The following SNX11 variants were observed in gnomAD, a reference collection of about 807,000 sequenced individuals.
The protein encoded by SNX11 is sorting nexin-11.
SNX11 carries 19 observed loss-of-function variants against 30.7 expected under a neutral mutation model. The observed-to-expected ratio is 0.62, with a 90% confidence interval of 0.43 to 0.91. The LOEUF is 0.91. Ranked by LOEUF, SNX11 falls within the 40% of genes least tolerant of loss-of-function variation. The pLI, the probability that SNX11 is intolerant of heterozygous loss-of-function variation, is 0.00. For missense variants in SNX11, 302 were observed against 326.7 expected, an observed-to-expected ratio of 0.92 and a Z score of 0.58; for synonymous variants, 112 against 119.0, an observed-to-expected ratio of 0.94 and a Z score of 0.38.
At chr17:48,119,827 G>T (rs1287526022) in intron 6 of SNX11, among the ~76,000 whole-genome samples, 1 of 152,086 alleles carries the variant, frequency 6.6e-6, no homozygotes. Flanking sequence ...ATAGTCACAG[G>T]GTTGTATAAC....
intron 4 of SNX11, among the ~76,000 whole-genome samples, chr17:48,117,276 CAG>C (rs2063555658): frequency 7.6e-6 from 1 of 130,792 alleles, no homozygotes; most frequent in African/African-American, 2.9e-5. Context: ...TTTTTTGAGA[CAG>C]AGTTTCACTC....
chr17:48,121,192 A>G (rs2063597436), intron 6 of SNX11, 43 bp from the exon 7 acceptor site: 2 of 1,604,770 alleles, frequency 1.2e-6, no homozygotes. Context: ...TATGTTACCC[A>G]AGCTGTTCAT....
chr17:48,118,635 G>T, intron 4 of SNX11, 69 bp from the exon 5 acceptor site: 14 of 1,041,704 alleles, frequency 1.3e-5, no homozygotes, highest in Non-Finnish European at 1.8e-5. Context: ...GGATTTCCTT[G>T]ATCAGAGGCC....
Position 48,121,728 on chromosome 17 carries a change from A to G in SNX11, c.*220A>G. ...TGTTTGTAAGTTAAACATAAGACAC[A>G]GGGGCTGTTGCTTTTGAACAGAACC... is the stretch of plus-strand genomic sequence containing the variant. On this transcript the variant is annotated 3_prime_UTR_variant, in exon 7 of 7. Transcript: ENST00000359238. The G allele has an allele frequency of 1.8e-6, 1 of 560,070 alleles. No homozygotes were observed. Among genetic ancestry groups the G allele is most frequent in the South Asian group, 2.3e-5 (1 of 42,658 alleles). The allele number at this position is 560,070 out of a possible 1,614,324, so 34.7% of individuals were successfully genotyped here.
Position 48,112,649 on chromosome 17 carries a change from A to C in SNX11, c.118A>C (p.Ile40Leu), listed in dbSNP as rs370795647. The C allele has an allele frequency of 2.5e-6, 4 of 1,610,672 alleles. No individual in the cohort carries two copies. Among genetic ancestry groups the C allele is most frequent in the African/African-American group, 1.3e-5 (1 of 74,834 alleles). Residue 40 changes from isoleucine to leucine, a missense_variant, in exon 3 of 7, where the codon ATA (isoleucine) becomes CTA (leucine). Coordinates refer to ENST00000359238, the MANE Select transcript of SNX11 (RefSeq NM_013323.3). ...GSWNSYVDYK[I>L]FLHTNSKAFT... Reference sequence around the variant, plus strand: ...CTGGAACTCTTATGTGGATTATAAGATATTCCTCCATGTGAGTACATCAAG... The same window carrying C: ...CTGGAACTCTTATGTGGATTATAAGCTATTCCTCCATGTGAGTACATCAAG...
At chr17:48,111,980 T>G (rs2063496820) in intron 1 of SNX11, 51 bp from the exon 2 acceptor site, 5 of 1,444,106 alleles carry the variant, frequency 3.5e-6, no homozygotes, top group Non-Finnish European at 4.9e-6. Context: ...TAAAGAATGA[T>G]AAGAACAGAG....
At chr17:48,111,001 TG>T in intron 1 of SNX11, 1 of 761,576 alleles carries the variant, frequency 1.3e-6, no homozygotes, top group Non-Finnish European at 1.6e-6. Context: ...ACTGCCACAT[TG>T]GGGAAAATCA....
chr17:48,118,931 C>T, intron 5 of SNX11, 43 bp from the exon 6 acceptor site: 3 of 1,598,906 alleles, frequency 1.9e-6, no homozygotes, highest in Non-Finnish European at 1.7e-6. Flanking sequence ...AGAGCAGTTC[C>T]TCAGGGTGAT....
intron 6 of SNX11, among the ~76,000 whole-genome samples, chr17:48,119,954 T>G (rs1310871192): frequency 6.6e-6 from 1 of 152,162 alleles, no homozygotes; most frequent in Non-Finnish European, 1.5e-5. Flanking sequence ...ACCACTAGTC[T>G]ACTTTCTCTG....
chr17:48,117,380 G>A (rs1329879766), intron 4 of SNX11, among the ~76,000 whole-genome samples: 1 of 151,158 alleles, frequency 6.6e-6, no homozygotes, highest in South Asian at 2.1e-4. Context: ...TCAGCCTCCC[G>A]AGTAGTTGGG....
chr17:48,120,507 CT>C (rs71141968), intron 6 of SNX11, among the ~76,000 whole-genome samples: 13 of 69,532 alleles, frequency 1.9e-4, no homozygotes, highest in African/African-American at 2.5e-4. Flanking sequence ...CGCACCTGGC[CT>C]TTTTTTTTTT....
chr17:48,116,945 C>T (rs1431369844), intron 4 of SNX11, among the ~76,000 whole-genome samples: 1 of 151,382 alleles, frequency 6.6e-6, no homozygotes. Flanking sequence ...GATCTCGGCT[C>T]ACTGCAACCT....
intron 4 of SNX11, chr17:48,113,699 C>T: frequency 3.1e-6 from 1 of 319,512 alleles, no homozygotes; most frequent in South Asian, 2.7e-5. Context: ...GTGCATGCCA[C>T]CACACTTGCC....
At chr17:48,116,416 T>G (rs75424702) in intron 4 of SNX11, among the ~76,000 whole-genome samples, 16,198 of 152,078 alleles carry the variant, frequency 0.11, 1,069 homozygotes, top group Middle Eastern at 0.17. Flanking sequence ...AGGTCTCACT[T>G]TGTTGCCCAG....
intron 6 of SNX11, among the ~76,000 whole-genome samples, chr17:48,120,437 AC>A (rs2063587333): frequency 7.0e-6 from 1 of 143,862 alleles, no homozygotes; most frequent in Admixed American, 7.1e-5. Flanking sequence ...CGAACTCCTG[AC>A]CTCAGGTGAT....
chr17:48,121,222 C>G lies in SNX11; in HGVS notation c.540-13C>G, dbSNP rs2063598187. 6.2e-7 allele frequency: 1 copy of G among 1,613,568 alleles called. No individual in the cohort carries two copies. The highest frequency in any genetic ancestry group is 2.2e-5 in the East Asian group (1 of 44,878). On this transcript the variant is annotated splice_polypyrimidine_tract_variant and intron_variant, in intron 6 of 6. Coordinates refer to ENST00000359238, the MANE Select transcript of SNX11 (RefSeq NM_013323.3). ...GTTCATACCTTTCTTTTCCCTTTCC[C>G]ACTCTTTTCCAGTTGCTGCTTTCTT...
intron 4 of SNX11, among the ~76,000 whole-genome samples, chr17:48,114,509 G>C (rs1355607954): frequency 1.4e-5 from 2 of 140,458 alleles, no homozygotes; most frequent in East Asian, 4.2e-4. Context: ...CCAGGCTGGA[G>C]TGCAGTGGTA....
intron 4 of SNX11, among the ~76,000 whole-genome samples, chr17:48,114,819 C>G (rs1274158016): frequency 6.6e-6 from 1 of 151,478 alleles, no homozygotes; most frequent in Non-Finnish European, 1.5e-5. Flanking sequence ...GCGCCTGCCA[C>G]CACGCCTGGC....
At chr17:48,117,557 GTT>G (rs972771953) in intron 4 of SNX11, among the ~76,000 whole-genome samples, 1 of 144,052 alleles carries the variant, frequency 6.9e-6, no homozygotes, top group Non-Finnish European at 1.5e-5. Context: ...GCGCCTGGCT[GTT>G]TTTTTTTTTT....
Sources: allele counts gnomAD v4.1 joint callset (sites outside exome capture counted in the v4.1 genomes callset), GRCh38; gene constraint gnomAD v4.1.1; transcripts MANE v1.5; gene names NCBI Gene and HGNC (gene_info 2026-07-23, HGNC 2026-07-21).